KIF2A: variants seen among roughly 807,000 people sequenced by gnomAD.
KIF2A encodes the protein kinesin-like protein KIF2A.
Under a neutral mutation model 100.2 loss-of-function variants are expected in KIF2A, and 22 were observed. The ratio of observed to expected loss-of-function variants is 0.22; its 90% CI spans 0.16 to 0.31. KIF2A has a LOEUF of 0.31. KIF2A is among the 10% of genes least tolerant of loss of function. The pLI is 1.00. For missense variants in KIF2A, 495 were observed against 898.7 expected (o/e 0.55, Z 5.74); for synonymous variants, 268 against 285.9 (o/e 0.94, Z 0.63).
At chr5:62,341,378 G>T (rs1206277374) in intron 1 of KIF2A, among the ~76,000 whole-genome samples, 3 of 151,646 alleles carry the variant, frequency 2.0e-5, no homozygotes, top group Non-Finnish European at 4.4e-5. Flanking sequence ...ACAGCTCACT[G>T]CAGCCTTGAC....
At position 62,330,091 on chromosome 5, in the gene KIF2A, C is replaced by T. The variant is rs142844402; in HGVS notation, c.65-17039C>T. 7.4e-3 allele frequency among the ~76,000 whole-genome samples: 1,132 copies of T among 152,274 alleles called. 7 individuals are homozygous for T. Among genetic ancestry groups the T allele is most frequent in the Non-Finnish European group, 0.013 (872 of 68,030 alleles). On this transcript the variant is annotated intron_variant, in intron 1 of 20. Transcript: ENST00000407818. ...TGGGGCCGGGCACAGTGGCTTATGCCTGTAGACCCAGCACTTTGGGAGGCC... is the reference window on the plus strand; with the variant it reads ...TGGGGCCGGGCACAGTGGCTTATGCTTGTAGACCCAGCACTTTGGGAGGCC...
At chr5:62,374,606 GA>G (rs1741462592) in intron 18 of KIF2A, among the ~76,000 whole-genome samples, 2 of 152,036 alleles carry the variant, frequency 1.3e-5, no homozygotes, top group Non-Finnish European at 2.9e-5. Flanking sequence ...TAATATAGGG[GA>G]AAACAACTTT....
At chr5:62,364,002 G>T (rs1327475596) in intron 14 of KIF2A, 103 bp downstream of exon 14, 4 of 910,766 alleles carry the variant, frequency 4.4e-6, no homozygotes, top group Non-Finnish European at 5.0e-6. Context: ...ATAAAAAGAG[G>T]TTTTCAAAAT....
chr5:62,375,701 A>G (rs1741508816), intron 18 of KIF2A, among the ~76,000 whole-genome samples: 1 of 152,254 alleles, frequency 6.6e-6, no homozygotes. Context: ...TTACTAAAGC[A>G]GGGCTTAAAG....
At chr5:62,350,369 C>T (rs1212310919) in intron 4 of KIF2A, among the ~76,000 whole-genome samples, 1 of 151,942 alleles carries the variant, frequency 6.6e-6, no homozygotes, top group African/African-American at 2.4e-5. Context: ...CCTTGACCTC[C>T]CAGGGTCAGA....
chr5:62,317,394 A>G (rs1745870375), intron 1 of KIF2A, among the ~76,000 whole-genome samples: 1 of 152,246 alleles, frequency 6.6e-6, no homozygotes. Context: ...GGCCCTAATT[A>G]GTGAGGTACA....
intron 19 of KIF2A, 83 bp from the exon 20 acceptor site, chr5:62,381,035 G>A (rs2112006653): frequency 1.0e-6 from 1 of 1,000,090 alleles, no homozygotes; most frequent in East Asian, 2.4e-5. Context: ...TCTTAAGTAT[G>A]TTTGATTATA....
At position 62,385,862 on chromosome 5, in the gene KIF2A, C is replaced by A. The variant is rs1742002527; in HGVS notation, c.*293C>A. 8 of 360,520 alleles carry A rather than the reference C, an allele frequency of 2.2e-5. No homozygotes were observed. The highest frequency in any genetic ancestry group is 2.1e-4 in the South Asian group (6 of 28,962). 22.3% of individuals were successfully genotyped at this position (360,520 alleles called of 1,614,324 possible). A position where few individuals can be genotyped will look rare whatever the true frequency, so the allele number is the denominator to read the frequency against. On this transcript the variant is annotated 3_prime_UTR_variant, in exon 21 of 21. Transcript: ENST00000407818. Reference sequence around the variant, plus strand: ...TTATTTTCTATTTGATGAAGTAAGACTGTGGACTCAATCCAGAGCCAGATA... The same window carrying A: ...TTATTTTCTATTTGATGAAGTAAGAATGTGGACTCAATCCAGAGCCAGATA...
chr5:62,348,840 T>TTTG (rs10694610), intron 3 of KIF2A, among the ~76,000 whole-genome samples: 74,114 of 151,688 alleles, frequency 0.49, 19,103 homozygotes, highest in African/African-American at 0.65. Context: ...CATTTGTGGT[T>TTTG]TTGTTGTTGT....
chr5:62,313,081 T>C (rs1350612381), intron 1 of KIF2A, among the ~76,000 whole-genome samples: 1 of 152,184 alleles, frequency 6.6e-6, no homozygotes, highest in Non-Finnish European at 1.5e-5. Context: ...GGCATTCTGA[T>C]AGGTGTTGGA....
chr5:62,383,054 G>A (rs1741850921), intron 20 of KIF2A, among the ~76,000 whole-genome samples: 1 of 151,070 alleles, frequency 6.6e-6, no homozygotes, highest in African/African-American at 2.4e-5. Flanking sequence ...AGGCTTCTGA[G>A]TAGCTGGGAT....
At chr5:62,339,696 T>C (rs942541120) in intron 1 of KIF2A, among the ~76,000 whole-genome samples, 5 of 151,128 alleles carry the variant, frequency 3.3e-5, no homozygotes, top group African/African-American at 1.2e-4. Flanking sequence ...AAATACTATA[T>C]TGTAGTGAAA....
intron 12 of KIF2A, 35 bp downstream of exon 12, chr5:62,362,576 A>AAT (rs1456059665): frequency 5.4e-6 from 5 of 931,202 alleles, no homozygotes; most frequent in South Asian, 2.1e-5. Flanking sequence ...AATTTTTTAA[A>AAT]ATATATATAT....
At chr5:62,370,650 G>A (rs1265957629) in intron 16 of KIF2A, among the ~76,000 whole-genome samples, 1 of 152,072 alleles carries the variant, frequency 6.6e-6, no homozygotes, top group African/African-American at 2.4e-5. Flanking sequence ...CAGAGTGGAA[G>A]GAATGGTTGT....
intron 1 of KIF2A, among the ~76,000 whole-genome samples, chr5:62,331,912 A>C (rs986166115): frequency 6.6e-6 from 1 of 152,232 alleles, no homozygotes; most frequent in African/African-American, 2.4e-5. Context: ...TTAATAAAAT[A>C]CATATTTTTG....
At chr5:62,372,699 T>A in intron 17 of KIF2A, 148 bp downstream of exon 17, 1 of 525,146 alleles carries the variant, frequency 1.9e-6, no homozygotes, top group Non-Finnish European at 3.3e-6. Context: ...TACTGCATGA[T>A]CTGCATTCTT....
intron 9 of KIF2A, among the ~76,000 whole-genome samples, chr5:62,359,159 T>G (rs1047185370): frequency 1.3e-5 from 2 of 152,230 alleles, no homozygotes; most frequent in African/African-American, 2.4e-5. Context: ...AATTTATCTG[T>G]GTTATACATT....
intron 1 of KIF2A, among the ~76,000 whole-genome samples, chr5:62,328,320 G>GT (rs11378518): frequency 0.79 from 113,339 of 144,324 alleles, 46,011 homozygotes; most frequent in Non-Finnish European, 0.9. Flanking sequence ...GTACTGTGTG[G>GT]TTTTTTTTTT....
At chr5:62,364,556 A>G (rs895048833) in intron 14 of KIF2A, among the ~76,000 whole-genome samples, 7 of 152,242 alleles carry the variant, frequency 4.6e-5, no homozygotes, top group Admixed American at 6.5e-5. Context: ...ATGTTAGGCC[A>G]GGTTATTACA....
Sources: allele counts gnomAD v4.1 joint callset (sites outside exome capture counted in the v4.1 genomes callset), GRCh38; gene constraint gnomAD v4.1.1; transcripts MANE v1.5; gene names NCBI Gene and HGNC (gene_info 2026-07-23, HGNC 2026-07-21).